Variants in FAM86B1 observed in about 807,000 individuals in gnomAD.
The protein encoded by FAM86B1 is putative protein N-methyltransferase FAM86B1.
For synonymous variants in FAM86B1, 4 were observed against 137.6 expected, an observed-to-expected ratio of 0.03 and a Z score of 6.79; for missense variants, 13 against 328.1, an observed-to-expected ratio of 0.04 and a Z score of 7.42.
chr8:12,189,282 ATAAATAAATAAATAAATAAG>A (rs1806400216), intron 3 of FAM86B1, among the ~76,000 whole-genome samples: 1 of 78,320 alleles, frequency 1.3e-5, no homozygotes, highest in South Asian at 4.8e-4. Context: ...AAATAAATAA[ATAAATAAATAAATAAATAAG>A]TAAAAAATAA....
rs555413045 is a variant in FAM86B1, at chr8:12,184,115, C to T, written c.791-409G>A. On this transcript the variant is annotated intron_variant, in intron 6 of 6. Coordinates refer to ENST00000448228, the MANE Select transcript of FAM86B1 (RefSeq NM_001083537.4). ...GTTGAGGCTTATACTATGTGTGCTG[C>T]TTGGCACTGTTTTTTTCACTTAAAA... Among the ~76,000 whole-genome samples, 57 of 53,584 alleles carry T rather than the reference C, an allele frequency of 1.1e-3. 13 individuals carry two copies. Among genetic ancestry groups the T allele is most frequent in the African/African-American group, 7.4e-3 (55 of 7,402 alleles). The allele number at this position is 53,584 out of a possible 152,430, so 35.2% of individuals were successfully genotyped here. A position where few individuals can be genotyped will look rare whatever the true frequency, so the allele number is the denominator to read the frequency against.
rs1241786429 is a variant in FAM86B1, at chr8:12,182,361, G to A, written c.*1245C>T. ...AGTGTGGGAAAGTGGGACATACGGGGAAGTTTCCAGAAAGCATGATGTCAA... is the reference window on the plus strand; with the variant it reads ...AGTGTGGGAAAGTGGGACATACGGGAAAGTTTCCAGAAAGCATGATGTCAA... On this transcript the variant is annotated 3_prime_UTR_variant, in exon 7 of 7. Transcript: ENST00000448228. 1.9e-6 allele frequency: 1 copy of A among 522,666 alleles called. No homozygotes were observed. Among genetic ancestry groups the A allele is most frequent in the Non-Finnish European group, 3.4e-6 (1 of 293,132 alleles). The allele number at this position is 522,666 out of a possible 1,614,324, so 32.4% of individuals were successfully genotyped here. A position where few individuals can be genotyped will look rare whatever the true frequency, so the allele number is the denominator to read the frequency against.
chr8:12,191,120 G>A (rs1297870318), intron 2 of FAM86B1, among the ~76,000 whole-genome samples: 1 of 131,106 alleles, frequency 7.6e-6, no homozygotes, highest in Non-Finnish European at 1.6e-5. Context: ...CTCCTAGGAT[G>A]GGCTGGGTGG....
chr8:12,183,354 AT>A lies in FAM86B1; in HGVS notation c.*251del. 1.9e-6 allele frequency: 1 copy of A among 527,990 alleles called. No individual in the cohort carries two copies. The highest frequency in any genetic ancestry group is 3.4e-6 in the Non-Finnish European group (1 of 290,258). 32.7% of individuals were successfully genotyped at this position (527,990 alleles called of 1,614,324 possible). On this transcript the variant is annotated 3_prime_UTR_variant, in exon 7 of 7. Coordinates refer to ENST00000448228, the MANE Select transcript of FAM86B1 (RefSeq NM_001083537.4). ...TTTTTATTTGCAGAAAGAAAATGCTATTTTTGGAGCTAGAATTTTCATGTCT... is the reference window on the plus strand; with the variant it reads ...TTTTTATTTGCAGAAAGAAAATGCTATTTTGGAGCTAGAATTTTCATGTCT...
At chr8:12,190,454 CG>C in intron 2 of FAM86B1, among the ~76,000 whole-genome samples, 1 of 115,758 alleles carries the variant, frequency 8.6e-6, no homozygotes, top group East Asian at 2.4e-4. Flanking sequence ...GGAGTGGGGA[CG>C]GCGGGAAAAC....
In FAM86B1 at chr8:12,183,162, GGCTTGGCTTTGT is replaced by G; in HGVS notation, c.*432_*443del. ...GTCCAGGGATGTGGCAGCTGCAGCGGGCTTGGCTTTGTGAGGAACCGAGTGTGTCCAGGGATG... is the reference window on the plus strand; with the variant it reads ...GTCCAGGGATGTGGCAGCTGCAGCGGGAGGAACCGAGTGTGTCCAGGGATG... On this transcript the variant is annotated 3_prime_UTR_variant, in exon 7 of 7. Coordinates refer to ENST00000448228, the MANE Select transcript of FAM86B1 (RefSeq NM_001083537.4). 9.8e-6 allele frequency: 1 copy of G among 102,476 alleles called. No individual in the cohort carries two copies. The highest frequency in any genetic ancestry group is 2.1e-5 in the Non-Finnish European group (1 of 46,734). 6.3% of individuals were successfully genotyped at this position (102,476 alleles called of 1,614,324 possible). A position where few individuals can be genotyped will look rare whatever the true frequency, so the allele number is the denominator to read the frequency against.
chr8:12,193,275 T>G lies in FAM86B1; in HGVS notation c.96+700A>C, dbSNP rs919615370. Among the ~76,000 whole-genome samples the G allele has an allele frequency of 5.5e-5, 8 of 145,986 alleles. 1 individual carries two copies. The highest frequency in any genetic ancestry group is 2.2e-4 in the African/African-American group (8 of 35,898). ...ATGTCAATGGAATAACACAAATGAT[T>G]AAGCAACACCCCATAAAATGGGGCA... is the stretch of plus-strand genomic sequence containing the variant. On this transcript the variant is annotated intron_variant, in intron 1 of 6. Transcript: ENST00000448228.
rs1337971358 is a variant in FAM86B1, at chr8:12,186,217, G to A, written c.640+135C>T. ...CCCTGTCCTTTGATGTCACCCTGGAGGCCCAGAGTAACTCTTCTGGAAGCC... is the reference window on the plus strand; with the variant it reads ...CCCTGTCCTTTGATGTCACCCTGGAAGCCCAGAGTAACTCTTCTGGAAGCC... On this transcript the variant is annotated intron_variant, in intron 5 of 6. Transcript: ENST00000448228. 4.0e-5 allele frequency: 37 copies of A among 916,380 alleles called. 5 individuals carry two copies. The highest frequency in any genetic ancestry group is 7.9e-5 in the South Asian group (4 of 50,402). The allele number at this position is 916,380 out of a possible 1,614,324, so 56.8% of individuals were successfully genotyped here.
rs78159840 is a variant in FAM86B1, at chr8:12,192,935, A to G, written c.96+1040T>C. Reference sequence around the variant, plus strand: ...TAAGAAAACAATAGCACAGAGAGATACAGTCACTTGCCCAAGGTCACACAG... The same window carrying G: ...TAAGAAAACAATAGCACAGAGAGATGCAGTCACTTGCCCAAGGTCACACAG... On this transcript the variant is annotated intron_variant, in intron 1 of 6. Coordinates refer to ENST00000448228, the MANE Select transcript of FAM86B1 (RefSeq NM_001083537.4). Among the ~76,000 whole-genome samples, 1,172 of 145,598 alleles carry G rather than the reference A, an allele frequency of 8.0e-3. 11 individuals are homozygous for G. The highest frequency in any genetic ancestry group is 0.031 in the African/African-American group (1,123 of 36,066).
intron 1 of FAM86B1, among the ~76,000 whole-genome samples, chr8:12,192,557 T>C (rs1439144662): frequency 7.7e-6 from 1 of 129,242 alleles, no homozygotes; most frequent in Non-Finnish European, 1.6e-5. Flanking sequence ...AAATGCCACC[T>C]CTTTGGGGAA....
rs529706971 is a variant in FAM86B1, at chr8:12,193,233, T to C, written c.96+742A>G. Among the ~76,000 whole-genome samples, 1,428 of 145,496 alleles carry C rather than the reference T, an allele frequency of 9.8e-3. 116 individuals are homozygous for C. Among genetic ancestry groups the C allele is most frequent in the African/African-American group, 0.038 (1,340 of 35,536 alleles). ...ATTTCTCCTGACCAGAAATGATCTC[T>C]GAGTGCTAAATATTTTATGTCAATG... On this transcript the variant is annotated intron_variant, in intron 1 of 6. Transcript: ENST00000448228.
Position 12,182,490 on chromosome 8 carries a change from G to A in FAM86B1, c.*1116C>T. The A allele has an allele frequency of 7.3e-7, 1 of 1,361,920 alleles. No individual in the cohort carries two copies. The highest frequency in any genetic ancestry group is 1.0e-6 in the Non-Finnish European group (1 of 994,386). The allele number at this position is 1,361,920 out of a possible 1,614,324, so 84.4% of individuals were successfully genotyped here. A position where few individuals can be genotyped will look rare whatever the true frequency, so the allele number is the denominator to read the frequency against. ...TGAGGGAGTTAGGGACTTGGGAGGG[G>A]TTGTTGTTGGGTCGGGGACCTGGGG... On this transcript the variant is annotated 3_prime_UTR_variant, in exon 7 of 7. Transcript: ENST00000448228.
At chr8:12,194,591 G>A (rs1451918186), upstream of FAM86B1, 4 of 151,226 alleles carry the variant, frequency 2.6e-5, no homozygotes, top group Non-Finnish European at 5.4e-5. Flanking sequence ...AACATGGCCA[G>A]GCGGTGCGCG....
intron 2 of FAM86B1, among the ~76,000 whole-genome samples, chr8:12,191,019 G>A (rs138416577): frequency 1.5e-4 from 22 of 149,028 alleles, no homozygotes; most frequent in African/African-American, 5.1e-4. Context: ...CTGACCTACT[G>A]TATTGCCCCG....
upstream of FAM86B1, chr8:12,194,565 G>A (rs1303596434): frequency 9.1e-5 from 13 of 143,216 alleles, no homozygotes; most frequent in Non-Finnish European, 1.7e-4. Context: ...GGGGCGGGGC[G>A]TTGACTATGT....
intron 5 of FAM86B1, 59 bp from the exon 6 acceptor site, chr8:12,185,584 ACCT>A: frequency 7.9e-7 from 1 of 1,265,142 alleles, no homozygotes; most frequent in East Asian, 2.7e-5. Flanking sequence ...GTTCATGCTG[ACCT>A]CAGCAGCAGG....
At chr8:12,192,751 C>G (rs1337972015) in intron 1 of FAM86B1, among the ~76,000 whole-genome samples, 1 of 146,514 alleles carries the variant, frequency 6.8e-6, no homozygotes, top group Non-Finnish European at 1.5e-5. Flanking sequence ...TGGTGCCTGG[C>G]TCACGGAAGG....
At chr8:12,194,315 G>C (rs1424781916), upstream of FAM86B1, among the ~76,000 whole-genome samples, 77 of 148,140 alleles carry the variant, frequency 5.2e-4, 2 homozygotes, top group African/African-American at 2.0e-3. Context: ...CCAGGTTGGC[G>C]GTTCCTGGGG....
At position 12,193,120 on chromosome 8, in the gene FAM86B1, T is replaced by C. The variant is rs1275262796; in HGVS notation, c.96+855A>G. On this transcript the variant is annotated intron_variant, in intron 1 of 6. Coordinates refer to ENST00000448228, the MANE Select transcript of FAM86B1 (RefSeq NM_001083537.4). ...AGGGTGAGCCCAAGTTAGCATTCAG[T>C]GTGGGCATGTGAACAATTATAGTCA... 7.0e-5 allele frequency among the ~76,000 whole-genome samples: 10 copies of C among 143,420 alleles called. No individual in the cohort carries two copies. In the South Asian group the frequency reaches 1.5e-3, roughly 21 times the overall value. The allele number at this position is 143,420 out of a possible 152,430, so 94.1% of individuals were successfully genotyped here.
Sources: allele counts gnomAD v4.1 joint callset (sites outside exome capture counted in the v4.1 genomes callset), GRCh38; gene constraint gnomAD v4.1.1; transcripts MANE v1.5; gene names NCBI Gene and HGNC (gene_info 2026-07-23, HGNC 2026-07-21).